The following TTLL7 variants were observed in gnomAD, a reference collection of about 807,000 sequenced individuals.
TTLL7 encodes tubulin polyglutamylase TTLL7.
A neutral mutation model predicts 120.2 loss-of-function variants in TTLL7; 53 were observed. The ratio of observed to expected loss-of-function variants is 0.44; its 90% CI spans 0.35 to 0.55. The LOEUF is 0.55. Among genes scored for constraint, TTLL7 ranks in the 20% least tolerant of loss-of-function variants. The pLI is 0.00. For synonymous variants in TTLL7, 353 were observed against 351.7 expected, an observed-to-expected ratio of 1.00 and a Z score of -0.04; for missense variants, 803 against 1,054.7, an observed-to-expected ratio of 0.76 and a Z score of 3.31.
intron 15 of TTLL7, among the ~76,000 whole-genome samples, chr1:83,909,257 C>CTT (rs35504029): frequency 1.4e-4 from 17 of 119,580 alleles, no homozygotes; most frequent in Admixed American, 2.8e-4. Context: ...TCACAGATTA[C>CTT]TTTTTTTTTT....
chr1:83,985,565 A>C (rs1488551091), intron 1 of TTLL7, among the ~76,000 whole-genome samples: 1 of 152,168 alleles, frequency 6.6e-6, no homozygotes, highest in Non-Finnish European at 1.5e-5. Context: ...TAACCATCAC[A>C]GATTTTTTAA....
Position 83,869,933 on chromosome 1 carries a change from TATAACCA to T in TTLL7, c.*22_*28del. ...AGGAAAAAAATGAATTGCTGTTATG[TATAACCA>T]ATGGCGATCTTCCCTTCTGTTTCAC... is the stretch of plus-strand genomic sequence containing the variant. On this transcript the variant is annotated 3_prime_UTR_variant, in exon 21 of 21. Transcript: ENST00000260505. The T allele has an allele frequency of 6.3e-7, 1 of 1,594,218 alleles. No individual in the cohort carries two copies. Among genetic ancestry groups the T allele is most frequent in the South Asian group, 1.2e-5 (1 of 86,256 alleles).
chr1:83,999,111 C>A lies in TTLL7; in HGVS notation c.-357G>T. The A allele has an allele frequency of 2.3e-6, 1 of 438,828 alleles. No homozygotes were observed. The highest frequency in any genetic ancestry group is 4.5e-6 in the Non-Finnish European group (1 of 221,270). The allele number at this position is 438,828 out of a possible 1,614,324, so 27.2% of individuals were successfully genotyped here. A position where few individuals can be genotyped will look rare whatever the true frequency, so the allele number is the denominator to read the frequency against. On this transcript the variant is annotated 5_prime_UTR_variant, in exon 1 of 21. Transcript: ENST00000260505. ...GCAGCCACGGCTCGGGACTCCGGTG[C>A]TCGACGCGGAGTGCCTGGAACAGCT...
chr1:83,988,202 A>G (rs929181412), intron 1 of TTLL7, among the ~76,000 whole-genome samples: 1 of 152,242 alleles, frequency 6.6e-6, no homozygotes, highest in Non-Finnish European at 1.5e-5. Context: ...ATGTTGCTGC[A>G]AAAGATATCT....
At chr1:83,930,155 C>T (rs1282265022) in intron 9 of TTLL7, among the ~76,000 whole-genome samples, 1 of 152,116 alleles carries the variant, frequency 6.6e-6, no homozygotes, top group Non-Finnish European at 1.5e-5. Context: ...CTACTTAACA[C>T]TTAGTGTCGT....
intron 6 of TTLL7, among the ~76,000 whole-genome samples, chr1:83,945,718 A>G (rs1055609043): frequency 1.3e-5 from 2 of 151,970 alleles, no homozygotes; most frequent in Non-Finnish European, 2.9e-5. Flanking sequence ...AAATTAAAAG[A>G]TTATGTATGT....
At chr1:83,899,601 CAG>C (rs1656542769) in intron 18 of TTLL7, among the ~76,000 whole-genome samples, 1 of 151,934 alleles carries the variant, frequency 6.6e-6, no homozygotes, top group South Asian at 2.1e-4. Context: ...AGAAGAATGA[CAG>C]TAAACGTTTG....
chr1:83,876,743 T>C (rs774160304), intron 20 of TTLL7, among the ~76,000 whole-genome samples: 2 of 152,006 alleles, frequency 1.3e-5, no homozygotes, highest in Admixed American at 6.6e-5. Flanking sequence ...AAAAGTGTAA[T>C]TGATTTTCCT....
At chr1:83,932,426 A>G (rs1003492058) in intron 9 of TTLL7, among the ~76,000 whole-genome samples, 2 of 152,064 alleles carry the variant, frequency 1.3e-5, no homozygotes, top group Admixed American at 1.3e-4. Context: ...GAAGCAAAGG[A>G]TAAGTAAAAC....
intron 10 of TTLL7, among the ~76,000 whole-genome samples, chr1:83,924,024 A>C (rs976878483): frequency 6.6e-6 from 1 of 152,086 alleles, no homozygotes; most frequent in Non-Finnish European, 1.5e-5. Flanking sequence ...ATCTTTCTAC[A>C]AGTAGTTGAA....
intron 10 of TTLL7, among the ~76,000 whole-genome samples, chr1:83,927,353 G>T (rs1357578812): frequency 6.6e-6 from 1 of 152,102 alleles, no homozygotes; most frequent in Non-Finnish European, 1.5e-5. Flanking sequence ...CATATACTAT[G>T]CAGACAAAAG....
chr1:83,921,410 T>C lies in TTLL7; in HGVS notation c.1143-16A>G, dbSNP rs1658653108. ...GTCACTGGTCCTAAAATATAAAACA[T>C]AAGACCATATTCTAGAACTCGAACA... On this transcript the variant is annotated splice_polypyrimidine_tract_variant and intron_variant, in intron 10 of 20. Coordinates refer to ENST00000260505, the MANE Select transcript of TTLL7 (RefSeq NM_024686.6). 1 of 1,608,640 alleles carries C rather than the reference T, an allele frequency of 6.2e-7. No homozygotes were observed. Among genetic ancestry groups the C allele is most frequent in the Non-Finnish European group, 8.5e-7 (1 of 1,178,924 alleles).
chr1:83,876,044 G>C (rs999400515), intron 20 of TTLL7, among the ~76,000 whole-genome samples: 1 of 151,786 alleles, frequency 6.6e-6, no homozygotes, highest in African/African-American at 2.4e-5. Flanking sequence ...TCTTTATGCA[G>C]TTTTACCTTT....
chr1:83,950,287 G>C (rs1400609570), intron 3 of TTLL7, among the ~76,000 whole-genome samples: 1 of 152,098 alleles, frequency 6.6e-6, no homozygotes, highest in Non-Finnish European at 1.5e-5. Flanking sequence ...AACACACACA[G>C]CTGAGACAAT....
intron 4 of TTLL7, chr1:83,949,201 G>A (rs1648793673): frequency 6.6e-6 from 1 of 152,394 alleles, no homozygotes; most frequent in South Asian, 2.1e-4. Context: ...ATAAAAGAAT[G>A]AAACCAGATT....
At chr1:83,915,026 A>G (rs970570439) in intron 14 of TTLL7, among the ~76,000 whole-genome samples, 3 of 152,216 alleles carry the variant, frequency 2.0e-5, no homozygotes, top group Non-Finnish European at 2.9e-5. Context: ...TATTTATGGA[A>G]CAGCAGGAGA....
intron 7 of TTLL7, among the ~76,000 whole-genome samples, chr1:83,939,118 G>A (rs902628783): frequency 3.3e-5 from 5 of 151,822 alleles, no homozygotes; most frequent in African/African-American, 9.7e-5. Flanking sequence ...TGGGCACTGC[G>A]GATACAAAGT....
intron 7 of TTLL7, 74 bp from the exon 8 acceptor site, chr1:83,938,090 A>G: frequency 1.5e-6 from 2 of 1,363,022 alleles, no homozygotes; most frequent in Non-Finnish European, 2.1e-6. Flanking sequence ...GGAAAAAAAG[A>G]CACTCAAAGA....
intron 5 of TTLL7, 116 bp from the exon 6 acceptor site, chr1:83,947,398 C>A: frequency 1.1e-6 from 1 of 918,102 alleles, no homozygotes; most frequent in Non-Finnish European, 1.6e-6. Flanking sequence ...CCTTCATTTA[C>A]TTATTCATTG....
Sources: allele counts gnomAD v4.1 joint callset (sites outside exome capture counted in the v4.1 genomes callset), GRCh38; gene constraint gnomAD v4.1.1; transcripts MANE v1.5; gene names NCBI Gene and HGNC (gene_info 2026-07-23, HGNC 2026-07-21).